PC: variants seen among roughly 807,000 people sequenced by gnomAD.
PC encodes the protein pyruvate carboxylase, mitochondrial.
A neutral mutation model predicts 107.8 loss-of-function variants in PC; 46 were observed. The ratio of observed to expected loss-of-function variants is 0.43; its 90% CI spans 0.34 to 0.55. The LOEUF is 0.55. PC is among the 20% of genes least tolerant of loss of function. PC has a pLI of 0.04. For synonymous variants in PC, 662 were observed against 684.7 expected (o/e 0.97, Z 0.52); for missense variants, 1,241 against 1,643.1 (o/e 0.76, Z 4.23).
In PC at chr11:66,848,756, C is replaced by T. The variant is rs769476078; in HGVS notation, c.*143G>A. 1.7e-5 allele frequency: 16 copies of T among 948,486 alleles called. No homozygotes were observed. Among genetic ancestry groups the T allele is most frequent in the South Asian group, 8.1e-5 (6 of 73,946 alleles). The allele number at this position is 948,486 out of a possible 1,614,324, so 58.8% of individuals were successfully genotyped here. A position where few individuals can be genotyped will look rare whatever the true frequency, so the allele number is the denominator to read the frequency against. On this transcript the variant is annotated 3_prime_UTR_variant, in exon 23 of 23. Transcript: ENST00000393960. ...GCTGAAAGGAATGAACCACCGCAGGCGGTGTCTCTCCTGTCCAGCTGTGGA... is the reference window on the plus strand; with the variant it reads ...GCTGAAAGGAATGAACCACCGCAGGTGGTGTCTCTCCTGTCCAGCTGTGGA...
At chr11:66,919,866 G>A (rs1292351381) in intron 3 of PC, 1 of 152,196 alleles carries the variant, frequency 6.6e-6, no homozygotes. Flanking sequence ...TCCTGGAGAA[G>A]AGGTACAGAG....
intron 3 of PC, among the ~76,000 whole-genome samples, chr11:66,883,559 C>T (rs912024629): frequency 6.6e-6 from 1 of 152,154 alleles, no homozygotes; most frequent in African/African-American, 2.4e-5. Context: ...GTCTCCGTGG[C>T]GTCTGTGTCC....
Position 66,870,579 on chromosome 11 carries a change from G to A in PC, c.752-126C>T. On this transcript the variant is annotated intron_variant, in intron 8 of 22. Transcript: ENST00000393960. This position sits in a 1 kb window ranked among gnomAD's most constrained non-coding sequence, Gnocchi z 6.1. ...CTGCCAGCGGTACAGAGGCTGCCAG[G>A]AGAGACACCAGCATCACCAAGGCTG... 1 of 1,207,010 alleles carries A rather than the reference G, an allele frequency of 8.3e-7. No homozygotes were observed. The highest frequency in any genetic ancestry group is 1.2e-6 in the Non-Finnish European group (1 of 833,416). 74.8% of individuals were successfully genotyped at this position (1,207,010 alleles called of 1,614,324 possible).
At position 66,857,650 on chromosome 11, in the gene PC, G is replaced by A; in HGVS notation, c.1369-4267C>T. The A allele has an allele frequency of 7.3e-7, 1 of 1,371,442 alleles. No homozygotes were observed. The allele number at this position is 1,371,442 out of a possible 1,614,324, so 85.0% of individuals were successfully genotyped here. A position where few individuals can be genotyped will look rare whatever the true frequency, so the allele number is the denominator to read the frequency against. On this transcript the variant is annotated intron_variant, in intron 12 of 22. Transcript: ENST00000393960. The surrounding 1 kb of genome is among the most constrained non-coding windows in gnomAD (Gnocchi z 7.1). ...AGCCCCTCCCCGGGCCAGGCTCACA[G>A]AAGCTGGCTTCTGGGACTGTCCTGG... is the stretch of plus-strand genomic sequence containing the variant.
At position 66,858,598 on chromosome 11, in the gene PC, G is replaced by A. The variant is rs1487015903; in HGVS notation, c.1368+5176C>T. 2.6e-6 allele frequency: 4 copies of A among 1,534,044 alleles called. No individual in the cohort carries two copies. Among genetic ancestry groups the A allele is most frequent in the African/African-American group, 2.7e-5 (2 of 72,940 alleles). On this transcript the variant is annotated intron_variant, in intron 12 of 22. Coordinates refer to ENST00000393960, the MANE Select transcript of PC (RefSeq NM_001040716.2). This position sits in a 1 kb window ranked among gnomAD's most constrained non-coding sequence, Gnocchi z 5.9. The stretch of plus-strand genomic sequence containing the variant: ...TCCTGTGAGCCGCCCCTCATTGCCC[G>A]CCACACGCAGCGCCTCTGGGTGCTG...
At chr11:66,910,851 C>T (rs1948314684) in intron 3 of PC, among the ~76,000 whole-genome samples, 1 of 152,226 alleles carries the variant, frequency 6.6e-6, no homozygotes, top group Non-Finnish European at 1.5e-5. Flanking sequence ...CTTCCTCCTC[C>T]ACACAAGTCA....
chr11:66,918,770 C>T lies in PC; in HGVS notation c.-1+33660G>A, dbSNP rs79897264. The stretch of plus-strand genomic sequence containing the variant: ...AAGAATAAATAAAAGGCTTCCTCAC[C>T]CCCTAAGCCACGCCAAACACGTGTG... On this transcript the variant is annotated intron_variant, in intron 3 of 22. Coordinates refer to ENST00000393960, the MANE Select transcript of PC (RefSeq NM_001040716.2). Among the ~76,000 whole-genome samples the T allele has an allele frequency of 1.9e-3, 288 of 152,146 alleles. 1 individual carries two copies. The highest frequency in any genetic ancestry group is 6.7e-3 in the African/African-American group (277 of 41,516).
At chr11:66,923,380 CAAA>C (rs1330022143) in intron 3 of PC, among the ~76,000 whole-genome samples, 4 of 104,524 alleles carry the variant, frequency 3.8e-5, no homozygotes, top group Admixed American at 2.1e-4. Flanking sequence ...GACTCCGTCT[CAAA>C]AAAAAAAAAA....
At chr11:66,904,090 C>T (rs936507001) in intron 3 of PC, among the ~76,000 whole-genome samples, 2 of 152,018 alleles carry the variant, frequency 1.3e-5, no homozygotes, top group Non-Finnish European at 2.9e-5. Flanking sequence ...AGTAACCTCG[C>T]CTGGTAGGTA....
chr11:66,858,699 G>GACCA lies in PC; in HGVS notation c.1368+5074_1368+5075insTGGT. On this transcript the variant is annotated intron_variant, in intron 12 of 22. Transcript: ENST00000393960. This position sits in a 1 kb window ranked among gnomAD's most constrained non-coding sequence, Gnocchi z 5.9. ...TACCATGCACTGGGTCGGTCCTGAC[G>GACCA]ACCGGTTGGTTGGCAACTCCTCCCG... is the stretch of plus-strand genomic sequence containing the variant. 6.4e-7 allele frequency: 1 copy of GACCA among 1,550,472 alleles called. No individual in the cohort carries two copies. The highest frequency in any genetic ancestry group is 8.7e-7 in the Non-Finnish European group (1 of 1,145,852).
Position 66,857,906 on chromosome 11 carries a change from G to A in PC, c.1369-4523C>T. On this transcript the variant is annotated intron_variant, in intron 12 of 22. Coordinates refer to ENST00000393960, the MANE Select transcript of PC (RefSeq NM_001040716.2). This position sits in a 1 kb window ranked among gnomAD's most constrained non-coding sequence, Gnocchi z 7.1. ...TGGACCGGCGCACAGTGGAGCTGCG[G>A]CTGGCTGACAACTTCATCCAGGCCC... is the stretch of plus-strand genomic sequence containing the variant. 3.7e-6 allele frequency: 6 copies of A among 1,612,094 alleles called. No homozygotes were observed. The highest frequency in any genetic ancestry group is 2.2e-5 in the South Asian group (2 of 91,070).
chr11:66,865,403 A>G (rs1301282794), intron 11 of PC, among the ~76,000 whole-genome samples: 3 of 152,248 alleles, frequency 2.0e-5, no homozygotes, highest in Non-Finnish European at 4.4e-5. Flanking sequence ...GCAAGTCCCT[A>G]GCACAGCTGG....
chr11:66,886,437 C>T (rs910384075), intron 3 of PC, among the ~76,000 whole-genome samples: 1 of 151,872 alleles, frequency 6.6e-6, no homozygotes, highest in African/African-American at 2.4e-5. Context: ...AGCAGGGAGA[C>T]AGATTTGCAA....
In PC at chr11:66,872,095, G is replaced by C. The variant is rs142378364; in HGVS notation, c.65C>G (p.Ala22Gly). The C allele has an allele frequency of 1.9e-6, 3 of 1,571,520 alleles. No homozygotes were observed. The African/African-American group carries it at 4.1e-5, about 21-fold the overall frequency. Reference protein sequence around the residue: ...RLLGIRRTSTAPAASPNVRRL... With the variant: ...RLLGIRRTSTGPAASPNVRRL... ...CCGGACATTTGGGGAGGCAGCGGGG[G>C]CGGTGGAGGTTCGGCGGATTCCCAG... The change falls in exon 4 of 23, where the codon GCC becomes GGC. Residue 22 changes from alanine (A) to glycine (G), a missense_variant. Ala to Gly is a moderately conservative substitution (Grantham distance 60). Coordinates refer to ENST00000393960, the MANE Select transcript of PC (RefSeq NM_001040716.2).
intron 3 of PC, among the ~76,000 whole-genome samples, chr11:66,930,357 G>A (rs1399054579): frequency 6.6e-6 from 1 of 152,106 alleles, no homozygotes; most frequent in Admixed American, 6.6e-5. Flanking sequence ...CTTTGGTTTC[G>A]GATAACCTAG....
At chr11:66,881,359 C>T (rs1947182591) in intron 3 of PC, among the ~76,000 whole-genome samples, 1 of 152,248 alleles carries the variant, frequency 6.6e-6, no homozygotes. Flanking sequence ...CAAGAATGAG[C>T]CACAGTGAAG....
Position 66,851,287 on chromosome 11 carries a change from G to A in PC, c.1983-7C>T. ...TTTGGCCACTTCACAGAACCTGCAA[G>A]GGTGAGAGAGCCCAGGGCTGAGCCC... On this transcript the variant is annotated splice_polypyrimidine_tract_variant and splice_region_variant and intron_variant, in intron 16 of 22. Coordinates refer to ENST00000393960, the MANE Select transcript of PC (RefSeq NM_001040716.2). 4 of 1,600,038 alleles carry A rather than the reference G, an allele frequency of 2.5e-6. No individual in the cohort carries two copies. Among genetic ancestry groups the A allele is most frequent in the Non-Finnish European group, 3.4e-6 (4 of 1,179,940 alleles).
chr11:66,871,293 C>T lies in PC; in HGVS notation c.487+22G>A. On this transcript the variant is annotated intron_variant, in intron 6 of 22. Coordinates refer to ENST00000393960, the MANE Select transcript of PC (RefSeq NM_001040716.2). This position sits in a 1 kb window ranked among gnomAD's most constrained non-coding sequence, Gnocchi z 7.4. The stretch of plus-strand genomic sequence containing the variant: ...CTCTCCAGGAGCTGCGGGGCCACCC[C>T]TTGCTTGCCCGTTATATTCACCCGC... The T allele has an allele frequency of 6.2e-7, 1 of 1,614,076 alleles. No homozygotes were observed. The highest frequency in any genetic ancestry group is 8.5e-7 in the Non-Finnish European group (1 of 1,180,026).
intron 21 of PC, 84 bp from the exon 22 acceptor site, chr11:66,849,454 C>T: frequency 3.1e-6 from 5 of 1,605,492 alleles, no homozygotes; most frequent in Non-Finnish European, 4.2e-6. Flanking sequence ...AGTCCCCACA[C>T]TGGGCCTTGG....
Sources: allele counts gnomAD v4.1 joint callset (sites outside exome capture counted in the v4.1 genomes callset), GRCh38; gene constraint gnomAD v4.1.1; non-coding constraint Gnocchi (gnomAD v3.1); transcripts MANE v1.5; gene names NCBI Gene and HGNC (gene_info 2026-07-23, HGNC 2026-07-21).